GIGYF2: variants seen among roughly 807,000 people sequenced by gnomAD.
The protein encoded by GIGYF2 is GRB10 interacting GYF protein 2.
Under a neutral mutation model 208.1 loss-of-function variants are expected in GIGYF2, and 25 were observed. That is an observed-to-expected ratio of 0.12 (90% CI 0.09 to 0.17). The LOEUF is 0.17. Ranked by LOEUF, GIGYF2 falls within the 10% of genes least tolerant of loss-of-function variation. The pLI, the probability that GIGYF2 is intolerant of heterozygous loss-of-function variation, is 1.00. For missense variants in GIGYF2, 1,302 were observed against 1,579.4 expected (o/e 0.82, Z 2.98); for synonymous variants, 534 against 543.8 (o/e 0.98, Z 0.25).
chr2:232,835,318 C>G (rs1474596827), intron 22 of GIGYF2, among the ~76,000 whole-genome samples: 1 of 152,106 alleles, frequency 6.6e-6, no homozygotes, highest in African/African-American at 2.4e-5. Flanking sequence ...AAAATATCAT[C>G]TATCTCTTTA....
intron 2 of GIGYF2, among the ~76,000 whole-genome samples, chr2:232,725,562 C>CT (rs1336481707): frequency 6.6e-6 from 1 of 152,214 alleles, no homozygotes; most frequent in Non-Finnish European, 1.5e-5. Context: ...ATATGAAGCA[C>CT]TTTGAACTCT....
chr2:232,835,271 T>C (rs1701548834), intron 22 of GIGYF2, among the ~76,000 whole-genome samples: 1 of 152,246 alleles, frequency 6.6e-6, no homozygotes, highest in South Asian at 2.1e-4. Context: ...TCAGTTATTA[T>C]ACTTTGGTAC....
chr2:232,720,583 A>ATATATT lies in GIGYF2; in HGVS notation c.-43-14571_-43-14570insATATTT, dbSNP rs376956632. Among the ~76,000 whole-genome samples, 405 of 144,982 alleles carry ATATATT rather than the reference A, an allele frequency of 2.8e-3. 6 individuals carry two copies. The highest frequency in any genetic ancestry group is 0.024 in the South Asian group (101 of 4,236). ...CAGTGTAATATATATATATATATAT[A>ATATATT]TTTTTGTTTGTTTGTTTGTTTGTTT... On this transcript the variant is annotated intron_variant, in intron 2 of 28. Coordinates refer to ENST00000373563, the MANE Select transcript of GIGYF2 (RefSeq NM_001103146.3).
At position 232,756,204 on chromosome 2, in the gene GIGYF2, T is replaced by TTC. The variant is rs1698534829; in HGVS notation, c.268-18_268-17insCT. On this transcript the variant is annotated intron_variant, in intron 5 of 28. Coordinates refer to ENST00000373563, the MANE Select transcript of GIGYF2 (RefSeq NM_001103146.3). Reference sequence around the variant, plus strand: ...TCTTTTTTTCCTTTTTCTCTTTTTTTTTTTTTTTTTTTTGGCAGAGAAACT... The same window carrying TTC: ...TCTTTTTTTCCTTTTTCTCTTTTTTTTCTTTTTTTTTTTTTGGCAGAGAAACT... The TTC allele has an allele frequency of 1.7e-6, 2 of 1,185,290 alleles. No individual in the cohort carries two copies. Among genetic ancestry groups the TTC allele is most frequent in the East Asian group, 5.5e-5 (2 of 36,406 alleles). 73.4% of individuals were successfully genotyped at this position (1,185,290 alleles called of 1,614,324 possible).
chr2:232,729,367 C>T (rs967371464), intron 2 of GIGYF2, among the ~76,000 whole-genome samples: 1 of 152,086 alleles, frequency 6.6e-6, no homozygotes, highest in Non-Finnish European at 1.5e-5. Context: ...TTGCCCTAAG[C>T]TGCTTTGAAT....
intron 21 of GIGYF2, among the ~76,000 whole-genome samples, chr2:232,830,909 G>A (rs1701408226): frequency 6.6e-6 from 1 of 152,206 alleles, no homozygotes; most frequent in African/African-American, 2.4e-5. Context: ...GGCTATGACA[G>A]TTTCTTAGAC....
At chr2:232,744,656 T>G (rs1698084548) in intron 3 of GIGYF2, among the ~76,000 whole-genome samples, 1 of 151,852 alleles carries the variant, frequency 6.6e-6, no homozygotes, top group African/African-American at 2.4e-5. Context: ...CTCAGCCTCC[T>G]GAGTAGCTGG....
At chr2:232,720,678 T>A (rs557551155) in intron 2 of GIGYF2, among the ~76,000 whole-genome samples, 91 of 152,076 alleles carry the variant, frequency 6.0e-4, no homozygotes, top group African/African-American at 2.1e-3. Flanking sequence ...TACTGCAACC[T>A]CTGCCTCTCA....
At chr2:232,726,347 T>C (rs1398859676) in intron 2 of GIGYF2, among the ~76,000 whole-genome samples, 8 of 132,298 alleles carry the variant, frequency 6.0e-5, no homozygotes, top group Admixed American at 1.8e-4. Flanking sequence ...CCAGCCCCAG[T>C]GACAGAGCAA....
intron 2 of GIGYF2, among the ~76,000 whole-genome samples, chr2:232,728,950 T>A (rs6724117): frequency 6.6e-6 from 1 of 151,812 alleles, no homozygotes; most frequent in African/African-American, 2.4e-5. Flanking sequence ...TTCCTTTTCC[T>A]TTTCTCTTTC....
intron 1 of GIGYF2, chr2:232,700,518 T>G (rs1695795558): frequency 6.6e-6 from 1 of 152,258 alleles, no homozygotes; most frequent in Non-Finnish European, 1.5e-5. Context: ...TGACTTTGTT[T>G]GCAGTTCTCC....
At chr2:232,841,777 A>T (rs1169555656) in intron 23 of GIGYF2, among the ~76,000 whole-genome samples, 1 of 152,028 alleles carries the variant, frequency 6.6e-6, no homozygotes, top group Non-Finnish European at 1.5e-5. Flanking sequence ...GGGGCCTCTA[A>T]CCTGTTCCAA....
chr2:232,736,354 T>A (rs1574820291), intron 3 of GIGYF2: 1 of 271,174 alleles, frequency 3.7e-6, no homozygotes, highest in East Asian at 1.7e-4. Context: ...AATTTCAACA[T>A]CCATGGTACA....
At chr2:232,702,403 C>T (rs925929943) in intron 1 of GIGYF2, among the ~76,000 whole-genome samples, 6 of 151,574 alleles carry the variant, frequency 4.0e-5, no homozygotes, top group African/African-American at 1.5e-4. Flanking sequence ...CGTGCCACTG[C>T]ACTCCAGCCT....
At chr2:232,820,063 G>A in intron 21 of GIGYF2, 78 bp downstream of exon 21, 1 of 1,542,382 alleles carries the variant, frequency 6.5e-7, no homozygotes, top group South Asian at 1.2e-5. Context: ...GGACATTAAG[G>A]TAGCCTATCT....
At chr2:232,843,612 G>T (rs1320490737) in intron 23 of GIGYF2, among the ~76,000 whole-genome samples, 3 of 147,938 alleles carry the variant, frequency 2.0e-5, no homozygotes, top group African/African-American at 7.5e-5. Flanking sequence ...TGTGGCTCAT[G>T]CCTGTAATCC....
rs1472879161 is a variant in GIGYF2, at chr2:232,787,174, G to C, written c.557G>C (p.Gly186Ala). ...DVGRPNFEEG[G>A]PTSVGRKHEF... is the part of the protein sequence containing the mutation. ...GGGAGACCAAATTTTGAGGAAGGTG[G>C]ACCAACATCAGTAGGGAGAAAGCAT... The change falls in exon 9 of 29, where the codon GGA becomes GCA. Residue 186 changes from glycine (G) to alanine (A), a missense_variant. Around this residue, in one of 8 missense-constraint regions of GIGYF2, gnomAD observed 189 missense variants for 257.7 expected, o/e 0.73. Coordinates refer to ENST00000373563, the MANE Select transcript of GIGYF2 (RefSeq NM_001103146.3). The C allele has an allele frequency of 4.3e-6, 7 of 1,613,940 alleles. No individual in the cohort carries two copies. The highest frequency in any genetic ancestry group is 5.9e-6 in the Non-Finnish European group (7 of 1,179,886).
intron 15 of GIGYF2, among the ~76,000 whole-genome samples, chr2:232,807,496 T>TC (rs1700594792): frequency 6.6e-6 from 1 of 152,152 alleles, no homozygotes; most frequent in African/African-American, 2.4e-5. Flanking sequence ...GCACTGCAGC[T>TC]TGGGCAACAG....
intron 8 of GIGYF2, chr2:232,768,598 G>C: frequency 6.2e-7 from 1 of 1,614,134 alleles, no homozygotes; most frequent in Non-Finnish European, 8.5e-7. Context: ...ATGCCATCAA[G>C]GTGGAAATCC....
Sources: allele counts gnomAD v4.1 joint callset (sites outside exome capture counted in the v4.1 genomes callset), GRCh38; gene constraint gnomAD v4.1.1; regional missense constraint gnomAD v4.1.1; transcripts MANE v1.5; gene names NCBI Gene and HGNC (gene_info 2026-07-23, HGNC 2026-07-21).